The following KPNA1 variants were observed in gnomAD, a reference collection of about 807,000 sequenced individuals.
KPNA1 encodes the protein importin subunit alpha-5.
A neutral mutation model predicts 70.5 loss-of-function variants in KPNA1; 10 were observed. That is an observed-to-expected ratio of 0.14 (90% CI 0.09 to 0.24). KPNA1 has a LOEUF of 0.24. Among genes scored for constraint, KPNA1 ranks in the 10% least tolerant of loss-of-function variants. The probability of loss-of-function intolerance (pLI) is 1.00; values close to 1 mark genes in which losing one functional copy is unlikely to be tolerated. For missense variants in KPNA1, 397 were observed against 637.9 expected, an observed-to-expected ratio of 0.62 and a Z score of 4.07; for synonymous variants, 192 against 221.9, an observed-to-expected ratio of 0.87 and a Z score of 1.20.
At chr3:122,507,412 G>A (rs1444241689) in intron 1 of KPNA1, among the ~76,000 whole-genome samples, 5 of 143,754 alleles carry the variant, frequency 3.5e-5, no homozygotes, top group East Asian at 2.0e-4. Context: ...TTGCACTCCA[G>A]CCTGGGCGAC....
chr3:122,479,310 A>G (rs1170714709), intron 2 of KPNA1, among the ~76,000 whole-genome samples: 1 of 152,196 alleles, frequency 6.6e-6, no homozygotes, highest in Non-Finnish European at 1.5e-5. Context: ...ACTAAATGAG[A>G]TACCACTACC....
intron 2 of KPNA1, among the ~76,000 whole-genome samples, chr3:122,484,149 T>C (rs1268665733): frequency 6.6e-6 from 1 of 152,178 alleles, no homozygotes; most frequent in Non-Finnish European, 1.5e-5. Flanking sequence ...AACTGTGAAT[T>C]GGTGGGATGT....
intron 2 of KPNA1, among the ~76,000 whole-genome samples, chr3:122,468,330 C>T (rs565011677): frequency 1.3e-5 from 2 of 152,258 alleles, no homozygotes; most frequent in South Asian, 2.1e-4. Context: ...AAATTCATAA[C>T]GCAGAGTACA....
At position 122,514,930 on chromosome 3, in the gene KPNA1, T is replaced by A. The variant is rs1018332327; in HGVS notation, c.-179A>T. 1.2e-4 allele frequency: 18 copies of A among 152,408 alleles called. No individual in the cohort carries two copies. Among genetic ancestry groups the A allele is most frequent in the African/African-American group, 4.1e-4 (17 of 41,594 alleles). 9.4% of individuals were successfully genotyped at this position (152,408 alleles called of 1,614,324 possible). A position where few individuals can be genotyped will look rare whatever the true frequency, so the allele number is the denominator to read the frequency against. ...GCAGCGAGACTCAGCTCAGCCGGCG[T>A]TCGCAGTGCGCCTGCGTGCGGGGGC... On this transcript the variant is annotated 5_prime_UTR_variant, in exon 1 of 14. Transcript: ENST00000344337.
intron 3 of KPNA1, 105 bp from the exon 4 acceptor site, chr3:122,464,146 C>T (rs879314988): frequency 3.9e-6 from 2 of 513,204 alleles, no homozygotes; most frequent in East Asian, 3.0e-5. Context: ...ATCATACTTC[C>T]CCAGAAGTTA....
At chr3:122,514,191 TA>T (rs1270237738) in intron 1 of KPNA1, among the ~76,000 whole-genome samples, 2 of 151,988 alleles carry the variant, frequency 1.3e-5, no homozygotes, top group African/African-American at 4.8e-5. Flanking sequence ...ATGACATCGG[TA>T]AACTGCAGCC....
In KPNA1 at chr3:122,451,977, G is replaced by C; in HGVS notation, c.652C>G (p.Gln218Glu). 2 of 1,568,874 alleles carry C rather than the reference G, an allele frequency of 1.3e-6. No individual in the cohort carries two copies. The change falls in exon 7 of 14, where the codon CAG (glutamine) becomes GAG (glutamate). Residue 218 changes from glutamine to glutamate, a missense_variant and splice_region_variant. Coordinates refer to ENST00000344337, the MANE Select transcript of KPNA1 (RefSeq NM_002264.4). ...AGGAAGAAGGAAGAAGAAACTTACTGCAAAAGAGGGGGAAGGATATTGCAG... is the reference window on the plus strand; with the variant it reads ...AGGAAGAAGGAAGAAGAAACTTACTCCAAAAGAGGGGGAAGGATATTGCAG... ...LDCNILPPLL[Q>E]LFSKQNRLTM...
rs768068658 is a variant in KPNA1 at position 122,427,065 on chromosome 3, T to C, written c.1537A>G (p.Ile513Val). The change falls in exon 14 of 14, where the codon ATT (isoleucine) becomes GTT (valine). Residue 513 changes from isoleucine to valine, a missense_variant. Physicochemically the swap from Ile to Val is conservative, Grantham distance 29. Coordinates refer to ENST00000344337, the MANE Select transcript of KPNA1 (RefSeq NM_002264.4). ...YFGTEDEDSS[I>V]APQVDLNQQQ... ...TGGTTAAGGTCAACCTGGGGTGCAA[T>C]GCTGCTGTCTTCATCTTCGGTCCCG... The C allele has an allele frequency of 5.2e-5, 84 of 1,614,040 alleles. No homozygotes were observed. The highest frequency in any genetic ancestry group is 6.8e-5 in the Non-Finnish European group (80 of 1,180,022).
Position 122,451,632 on chromosome 3 carries a change from A to G in KPNA1, c.655T>C (p.Leu219=). The change falls in exon 8 of 14, where the codon TTA becomes CTA. Residue 219 remains leucine, a splice_region_variant and synonymous_variant. Coordinates refer to ENST00000344337, the MANE Select transcript of KPNA1 (RefSeq NM_002264.4). ...GTCAGGCGGTTTTGCTTTGAAAATAACCTAAAAGCACGATGGTACAATGGT... is the reference window on the plus strand; with the variant it reads ...GTCAGGCGGTTTTGCTTTGAAAATAGCCTAAAAGCACGATGGTACAATGGT... ...DCNILPPLLQ[L]FSKQNRLTMT... 3 of 1,598,014 alleles carry G rather than the reference A, an allele frequency of 1.9e-6. No individual in the cohort carries two copies. The highest frequency in any genetic ancestry group is 2.6e-6 in the Non-Finnish European group (3 of 1,165,454).
chr3:122,464,265 T>C (rs1325610706), intron 3 of KPNA1: 1 of 367,186 alleles, frequency 2.7e-6, no homozygotes. Context: ...AAAGTGATCT[T>C]ACTAGTAAAT....
intron 10 of KPNA1, among the ~76,000 whole-genome samples, chr3:122,438,835 T>C (rs2076025140): frequency 1.3e-5 from 2 of 152,174 alleles, no homozygotes; most frequent in Admixed American, 1.3e-4. Context: ...TAAAAGACTG[T>C]ATGTATGAGC....
intron 1 of KPNA1, among the ~76,000 whole-genome samples, chr3:122,502,770 C>G (rs1048702744): frequency 6.6e-6 from 1 of 152,122 alleles, no homozygotes; most frequent in African/African-American, 2.4e-5. Context: ...AGCATTTTAG[C>G]TATGAAATAT....
rs57991855 is a variant in KPNA1 at position 122,429,446 on chromosome 3, C to CAAAAAA, written c.1251-1736_1251-1731dup. ...TGGGCGAAAGAGCGAAACTCTGTCT[C>CAAAAAA]AAAAAAAAAAAAAAAAAAAAAAAGA... On this transcript the variant is annotated intron_variant, in intron 12 of 13. Transcript: ENST00000344337. Among the ~76,000 whole-genome samples the CAAAAAA allele has an allele frequency of 6.3e-4, 37 of 58,752 alleles. 1 individual carries two copies. The highest frequency in any genetic ancestry group is 1.6e-3 in the South Asian group (2 of 1,220). 38.5% of individuals were successfully genotyped at this position (58,752 alleles called of 152,430 possible).
chr3:122,428,382 T>C (rs1470096449), intron 12 of KPNA1, among the ~76,000 whole-genome samples: 1 of 152,234 alleles, frequency 6.6e-6, no homozygotes, highest in African/African-American at 2.4e-5. Context: ...ATGTGAATGT[T>C]TGGTAAGGTC....
intron 7 of KPNA1, 130 bp downstream of exon 7, chr3:122,451,845 GA>G: frequency 5.6e-6 from 4 of 710,828 alleles, no homozygotes; most frequent in Non-Finnish European, 9.4e-6. Context: ...ATCTAAACAA[GA>G]AAATATCTGG....
chr3:122,471,567 C>T (rs1020594462), intron 2 of KPNA1, among the ~76,000 whole-genome samples: 1 of 151,712 alleles, frequency 6.6e-6, no homozygotes. Flanking sequence ...GTTGGCCAGA[C>T]GTGGTGACTC....
At position 122,424,518 on chromosome 3, in the gene KPNA1, T is replaced by C. The variant is rs1225884906; in HGVS notation, c.*2467A>G. 1 of 152,664 alleles carries C rather than the reference T, an allele frequency of 6.6e-6. No homozygotes were observed. The highest frequency in any genetic ancestry group is 1.5e-5 in the Non-Finnish European group (1 of 68,044). The allele number at this position is 152,664 out of a possible 1,614,324, so 9.5% of individuals were successfully genotyped here. A position where few individuals can be genotyped will look rare whatever the true frequency, so the allele number is the denominator to read the frequency against. On this transcript the variant is annotated 3_prime_UTR_variant, in exon 14 of 14. Coordinates refer to ENST00000344337, the MANE Select transcript of KPNA1 (RefSeq NM_002264.4). ...AAAAAAACTTAGATCTTATAGTTCA[T>C]GAACTTCTAGGACAAGATAAATTCC...
At chr3:122,501,598 G>C (rs942740614) in intron 1 of KPNA1, among the ~76,000 whole-genome samples, 1 of 152,052 alleles carries the variant, frequency 6.6e-6, no homozygotes, top group Non-Finnish European at 1.5e-5. Flanking sequence ...AATTTATCTA[G>C]CTTGTTTTGT....
At chr3:122,496,240 C>T (rs888415490) in intron 2 of KPNA1, among the ~76,000 whole-genome samples, 197 bp downstream of exon 2, 4 of 151,530 alleles carry the variant, frequency 2.6e-5, no homozygotes, top group Non-Finnish European at 5.9e-5. Context: ...GAGAGATTTC[C>T]CCATTCTTGT....
Sources: gnomAD v4.1 joint callset for allele counts (sites outside exome capture counted in the v4.1 genomes callset) on GRCh38, gnomAD v4.1.1 for gene constraint, MANE v1.5 for transcripts, NCBI Gene and HGNC (gene_info 2026-07-23, HGNC 2026-07-21) for gene names.